CYYR1: variants seen among roughly 807,000 people sequenced by gnomAD.
CYYR1 encodes the protein cysteine and tyrosine rich 1, also known as cysteine and tyrosine-rich protein 1.
Under a neutral mutation model 15.2 loss-of-function variants are expected in CYYR1, and 14 were observed. That is an observed-to-expected ratio of 0.92 (90% confidence interval 0.61 to 1.44). The LOEUF is 1.44. CYYR1 is among the 40% of genes most tolerant of loss of function. CYYR1 has a pLI of 0.00. For missense variants in CYYR1, 228 were observed against 209.5 expected, an observed-to-expected ratio of 1.09 and a Z score of -0.54; for synonymous variants, 80 against 77.4, an observed-to-expected ratio of 1.03 and a Z score of -0.18.
intron 2 of CYYR1, among the ~76,000 whole-genome samples, chr21:26,518,205 C>G (rs2065758935): frequency 6.6e-6 from 1 of 152,180 alleles, no homozygotes; most frequent in South Asian, 2.1e-4. Flanking sequence ...CCAGAAATTC[C>G]AAACTTAGAC....
Position 26,572,920 on chromosome 21 carries a change from G to T in CYYR1, c.21C>A (p.Pro7=). MDAPRL[P]VRPGVLLPKL... ...TCGGAAGCAAGACCCCTGGACGCACGGGTAGCCTCGGAGCGTCCATCCAAG... is the reference window on the plus strand; with the variant it reads ...TCGGAAGCAAGACCCCTGGACGCACTGGTAGCCTCGGAGCGTCCATCCAAG... Residue 7 remains proline (P), a synonymous_variant, in exon 1 of 4, where the codon CCC becomes CCA. Coordinates refer to ENST00000652641, the MANE Select transcript of CYYR1 (RefSeq NM_001320768.2). The T allele has an allele frequency of 6.2e-7, 1 of 1,614,038 alleles. No homozygotes were observed. Among genetic ancestry groups the T allele is most frequent in the South Asian group, 1.1e-5 (1 of 91,074 alleles).
intron 2 of CYYR1, among the ~76,000 whole-genome samples, chr21:26,562,448 A>C (rs910262971): frequency 6.6e-6 from 1 of 152,130 alleles, no homozygotes; most frequent in African/African-American, 2.4e-5. Context: ...CAGTTTTGCT[A>C]GGCATGACCA....
chr21:26,487,692 T>C (rs959544175), intron 2 of CYYR1, among the ~76,000 whole-genome samples: 6 of 152,128 alleles, frequency 3.9e-5, no homozygotes, highest in African/African-American at 1.4e-4. Context: ...ATATTAACAG[T>C]ATTTACTTAT....
chr21:26,485,470 T>C (rs1488562805), intron 2 of CYYR1, among the ~76,000 whole-genome samples: 1 of 152,128 alleles, frequency 6.6e-6, no homozygotes, highest in Non-Finnish European at 1.5e-5. Context: ...TTTATGGTCA[T>C]ATCCAACATG....
intron 1 of CYYR1, among the ~76,000 whole-genome samples, chr21:26,567,337 T>C (rs1391373739): frequency 6.6e-6 from 1 of 152,206 alleles, no homozygotes; most frequent in Non-Finnish European, 1.5e-5. Flanking sequence ...GATTGAGGAA[T>C]CAGTAAGATA....
Position 26,511,507 on chromosome 21 carries a change from T to A in CYYR1, c.177-31078A>T, listed in dbSNP as rs531996141. Reference sequence around the variant, plus strand: ...GTCATATGCTGGAATGCAGACAGCATATCAACAATGAGATAAAGCTTTGTA... The same window carrying A: ...GTCATATGCTGGAATGCAGACAGCAAATCAACAATGAGATAAAGCTTTGTA... On this transcript the variant is annotated intron_variant, in intron 2 of 3. Transcript: ENST00000652641. 2.0e-5 allele frequency among the ~76,000 whole-genome samples: 3 copies of A among 152,336 alleles called. No homozygotes were observed. In the South Asian group the frequency reaches 6.2e-4, roughly 32 times the overall value.
At chr21:26,483,352 G>C (rs1046457033) in intron 2 of CYYR1, 2 of 569,408 alleles carry the variant, frequency 3.5e-6, no homozygotes, top group Non-Finnish European at 4.4e-6. Flanking sequence ...TGTTCATTTT[G>C]ATCTCATTCA....
Position 26,487,916 on chromosome 21 carries a change from C to CA in CYYR1, c.177-7488dup, listed in dbSNP as rs3085022. Among the ~76,000 whole-genome samples the CA allele has an allele frequency of 7.0e-4, 100 of 143,198 alleles. 1 individual carries two copies. Among genetic ancestry groups the CA allele is most frequent in the Middle Eastern group, 7.5e-3 (2 of 268 alleles). The allele number at this position is 143,198 out of a possible 152,430, so 93.9% of individuals were successfully genotyped here. The stretch of plus-strand genomic sequence containing the variant: ...TTTTCCAGTAAGTCTACATTACTTG[C>CA]AAAAAAAAAAAAAAATCTGTAAAAT... On this transcript the variant is annotated intron_variant, in intron 2 of 3. Coordinates refer to ENST00000652641, the MANE Select transcript of CYYR1 (RefSeq NM_001320768.2).
intron 2 of CYYR1, among the ~76,000 whole-genome samples, chr21:26,523,511 G>C (rs149125999): frequency 6.6e-6 from 1 of 152,064 alleles, no homozygotes; most frequent in African/African-American, 2.4e-5. Flanking sequence ...TCTGCATTGC[G>C]GTCTGCCGGA....
At chr21:26,495,867 G>A (rs1009696894) in intron 2 of CYYR1, among the ~76,000 whole-genome samples, 1 of 152,330 alleles carries the variant, frequency 6.6e-6, no homozygotes, top group Admixed American at 6.5e-5. Flanking sequence ...CAAAATGGAA[G>A]CACTACTGTG....
chr21:26,546,652 G>T (rs1978996112), intron 2 of CYYR1, among the ~76,000 whole-genome samples: 1 of 152,164 alleles, frequency 6.6e-6, no homozygotes, highest in African/African-American at 2.4e-5. Context: ...GTAGAAAGAG[G>T]TCATAGTCTT....
In CYYR1 at chr21:26,560,380, T is replaced by A. The variant is rs537283511; in HGVS notation, c.176+5886A>T. 3.9e-5 allele frequency among the ~76,000 whole-genome samples: 6 copies of A among 152,244 alleles called. No individual in the cohort carries two copies. In the East Asian group the frequency reaches 1.2e-3, roughly 29 times the overall value. On this transcript the variant is annotated intron_variant, in intron 2 of 3. Coordinates refer to ENST00000652641, the MANE Select transcript of CYYR1 (RefSeq NM_001320768.2). The stretch of plus-strand genomic sequence containing the variant: ...TCATCTCATTTGTAAATGAGAGCAA[T>A]TTACTTTCTTCCTTTCCAGTCTTTA...
At chr21:26,531,743 C>A (rs1215365014) in intron 2 of CYYR1, among the ~76,000 whole-genome samples, 4 of 152,098 alleles carry the variant, frequency 2.6e-5, no homozygotes, top group African/African-American at 7.2e-5. Flanking sequence ...CGGGCTATGA[C>A]AATGACTTTA....
intron 2 of CYYR1, among the ~76,000 whole-genome samples, chr21:26,563,873 GCAAA>G (rs1980416583): frequency 6.6e-6 from 1 of 152,058 alleles, no homozygotes; most frequent in Non-Finnish European, 1.5e-5. Context: ...TTTAAACTGA[GCAAA>G]CATTTTTATT....
intron 2 of CYYR1, among the ~76,000 whole-genome samples, chr21:26,533,695 T>C (rs925231739): frequency 2.6e-5 from 4 of 152,148 alleles, no homozygotes; most frequent in African/African-American, 9.6e-5. Flanking sequence ...CCCAGTCAAG[T>C]TGACACATAA....
rs112527793 is a variant in CYYR1 at position 26,498,877 on chromosome 21, C to T, written c.177-18448G>A. Among the ~76,000 whole-genome samples the T allele has an allele frequency of 3.6e-3, 551 of 152,184 alleles. 4 individuals carry two copies. Among genetic ancestry groups the T allele is most frequent in the African/African-American group, 0.013 (525 of 41,526 alleles). On this transcript the variant is annotated intron_variant, in intron 2 of 3. Transcript: ENST00000652641. ...TCTCATGAGAATTCACTCATTACCA[C>T]GAGAACGGCATGCGAGTAACTGCCC... is the stretch of plus-strand genomic sequence containing the variant.
chr21:26,544,061 CTTG>C (rs570976697), intron 2 of CYYR1, among the ~76,000 whole-genome samples: 38 of 152,258 alleles, frequency 2.5e-4, no homozygotes, highest in Middle Eastern at 6.8e-3. Context: ...TAGAAGACAA[CTTG>C]TTGTCACTAA....
intron 2 of CYYR1, among the ~76,000 whole-genome samples, chr21:26,549,134 G>A (rs1163096066): frequency 6.6e-6 from 1 of 152,078 alleles, no homozygotes; most frequent in Non-Finnish European, 1.5e-5. Context: ...CTTCCTAGAG[G>A]CATAATCTGA....
At chr21:26,477,210 G>C (rs1660942003) in intron 3 of CYYR1, among the ~76,000 whole-genome samples, 1 of 152,148 alleles carries the variant, frequency 6.6e-6, no homozygotes, top group South Asian at 2.1e-4. Flanking sequence ...TAATTAATTA[G>C]TGAGGGTAAA....
Sources: gnomAD v4.1 joint callset for allele counts (sites outside exome capture counted in the v4.1 genomes callset) on GRCh38, gnomAD v4.1.1 for gene constraint, MANE v1.5 for transcripts, NCBI Gene and HGNC (gene_info 2026-07-23, HGNC 2026-07-21) for gene names.